Variants in PCM1 observed in about 807,000 individuals in gnomAD.
PCM1 encodes pericentriolar material 1.
A neutral mutation model predicts 241.9 loss-of-function variants in PCM1; 157 were observed. The observed-to-expected ratio is 0.65, with a 90% CI of 0.57 to 0.74. PCM1 has a LOEUF of 0.74. Ranked by LOEUF, PCM1 falls within the 30% of genes least tolerant of loss-of-function variation. The pLI, the probability that PCM1 is intolerant of heterozygous loss-of-function variation, is 0.00. For synonymous variants in PCM1, 1,085 were observed against 784.9 expected, an observed-to-expected ratio of 1.38 and a Z score of -6.39; for missense variants, 3,478 against 2,360.1, an observed-to-expected ratio of 1.47 and a Z score of -9.81.
At chr8:17,955,862 A>G (rs1478940459) in intron 10 of PCM1, 2 of 566,938 alleles carry the variant, frequency 3.5e-6, no homozygotes, top group Non-Finnish European at 6.3e-6. Context: ...CTGTGAACTG[A>G]TGTTACTTTC....
chr8:17,952,833 GGTATA>G (rs2066597834), intron 8 of PCM1, 132 bp from the exon 9 acceptor site: 3 of 595,500 alleles, frequency 5.0e-6, no homozygotes, highest in Non-Finnish European at 8.7e-6. Flanking sequence ...GAATAGTAAG[GGTATA>G]TACTTACCTA....
At position 17,957,607 on chromosome 8, in the gene PCM1, G is replaced by A. The variant is rs1313440591; in HGVS notation, c.1872G>A (p.Glu624=). 1 of 1,575,778 alleles carries A rather than the reference G, an allele frequency of 6.3e-7. No homozygotes were observed. The highest frequency in any genetic ancestry group is 1.4e-5 in the African/African-American group (1 of 74,044). The change falls in exon 13 of 39, where the codon GAG becomes GAA. Residue 624 remains glutamate, a synonymous_variant. Coordinates refer to ENST00000325083, the MANE Select transcript of PCM1 (RefSeq NM_006197.4). ...CACAAGGTGAAGATGATGAGGAGGA[G>A]GAGGAAGAAGCAGAAGAGGAGGGAG... ...HVAQGEDDEE[E]EEEAEEEGVS...
intron 2 of PCM1, among the ~76,000 whole-genome samples, chr8:17,933,416 ATTC>A (rs2059581854): frequency 6.6e-6 from 1 of 152,108 alleles, no homozygotes; most frequent in Non-Finnish European, 1.5e-5. Flanking sequence ...CGATATGTTT[ATTC>A]TTCCAGATAA....
chr8:17,977,179 C>G (rs1000615285), intron 23 of PCM1, among the ~76,000 whole-genome samples: 3 of 152,060 alleles, frequency 2.0e-5, no homozygotes, highest in Non-Finnish European at 4.4e-5. Context: ...AATAGTACTA[C>G]CAGTCATGTC....
In PCM1 at chr8:18,028,680, C is replaced by G. The variant is rs2094375944; in HGVS notation, c.*1018C>G. ...AAAGTGATTGATTTGCTTTTTATCCCAAACTGTCCATATACCCAGTAAGGC... is the reference window on the plus strand; with the variant it reads ...AAAGTGATTGATTTGCTTTTTATCCGAAACTGTCCATATACCCAGTAAGGC... On this transcript the variant is annotated 3_prime_UTR_variant, in exon 39 of 39. Coordinates refer to ENST00000325083, the MANE Select transcript of PCM1 (RefSeq NM_006197.4). 1 of 203,500 alleles carries G rather than the reference C, an allele frequency of 4.9e-6. No homozygotes were observed. Among genetic ancestry groups the G allele is most frequent in the Non-Finnish European group, 1.0e-5 (1 of 99,124 alleles). The allele number at this position is 203,500 out of a possible 1,614,324, so 12.6% of individuals were successfully genotyped here. A position where few individuals can be genotyped will look rare whatever the true frequency, so the allele number is the denominator to read the frequency against.
chr8:17,996,646 T>C (rs7465361), intron 29 of PCM1, among the ~76,000 whole-genome samples: 103,761 of 150,712 alleles, frequency 0.69, 36,179 homozygotes, highest in Non-Finnish European at 0.77. Flanking sequence ...CTCATGCTTT[T>C]CTTGTTTTTT....
intron 23 of PCM1, among the ~76,000 whole-genome samples, chr8:17,977,180 C>T (rs1024209628): frequency 1.4e-4 from 21 of 152,020 alleles, no homozygotes; most frequent in African/African-American, 4.8e-4. Context: ...ATAGTACTAC[C>T]AGTCATGTCA....
chr8:17,950,341 C>G (rs560967133), intron 7 of PCM1, among the ~76,000 whole-genome samples: 6 of 152,142 alleles, frequency 3.9e-5, no homozygotes, highest in African/African-American at 9.7e-5. Context: ...TGAGTCACTA[C>G]TATTAATTGG....
At chr8:18,009,515 C>A in intron 30 of PCM1, 32 bp from the exon 31 acceptor site, 1 of 1,413,386 alleles carries the variant, frequency 7.1e-7, no homozygotes, top group Non-Finnish European at 9.7e-7. Flanking sequence ...AGTTTACTGT[C>A]TTTAAAAATT....
At position 17,938,855 on chromosome 8, in the gene PCM1, G is replaced by T. The variant is rs757987794; in HGVS notation, c.458G>T (p.Ser153Ile). ...CCTATGCAGATTAATACTAACAAGA[G>T]CAAAGATGCATCTACAAACCCCCCA... ...FLPMQINTNK[S>I]KDASTNPPNR... The change falls in exon 5 of 39, where the codon AGC becomes ATC. Residue 153 changes from serine to isoleucine, a missense_variant. By Grantham distance (142) the Ser-to-Ile change is moderately radical (BLOSUM62 -2). Transcript: ENST00000325083. 3.1e-6 allele frequency: 5 copies of T among 1,613,676 alleles called. No homozygotes were observed. In the South Asian group the frequency reaches 5.5e-5, roughly 18 times the overall value.
chr8:18,017,181 T>G (rs568991190), intron 36 of PCM1, among the ~76,000 whole-genome samples: 24 of 152,246 alleles, frequency 1.6e-4, no homozygotes, highest in Admixed American at 1.4e-3. Context: ...CCATGGTCTT[T>G]CCACAAAAGA....
Position 17,942,378 on chromosome 8 carries a change from A to G in PCM1, c.783+2517A>G, listed in dbSNP as rs969170443. On this transcript the variant is annotated intron_variant, in intron 6 of 38. Transcript: ENST00000325083. ...GCTACTCAGGAGGCTGAGGCAGGAG[A>G]ATCGCTTCAACCTAGGAGGTGTAGG... Among the ~76,000 whole-genome samples the G allele has an allele frequency of 2.7e-5, 4 of 150,894 alleles. No homozygotes were observed. The South Asian group carries it at 8.4e-4, about 32-fold the overall frequency.
At chr8:17,934,335 C>G (rs2059850988) in intron 2 of PCM1, among the ~76,000 whole-genome samples, 1 of 150,710 alleles carries the variant, frequency 6.6e-6, no homozygotes, top group Non-Finnish European at 1.5e-5. Flanking sequence ...AGTCTCGGCT[C>G]ACTGCAACCT....
chr8:17,997,472 A>C (rs183384426), intron 29 of PCM1, among the ~76,000 whole-genome samples: 3 of 151,960 alleles, frequency 2.0e-5, no homozygotes, highest in Admixed American at 1.3e-4. Context: ...TAAGGCCAAT[A>C]ACTTAGATTT....
At chr8:17,965,736 A>T (rs1355731888) in intron 18 of PCM1, among the ~76,000 whole-genome samples, 3 of 152,238 alleles carry the variant, frequency 2.0e-5, no homozygotes, top group African/African-American at 2.4e-5. Flanking sequence ...CATAATAAAT[A>T]TTTTTATTTT....
intron 34 of PCM1, 70 bp from the exon 35 acceptor site, chr8:18,013,894 A>C: frequency 1.2e-6 from 1 of 868,256 alleles, no homozygotes; most frequent in Non-Finnish European, 1.8e-6. Flanking sequence ...AAAACTACAC[A>C]CTAGTAATCA....
chr8:17,966,153 A>C lies in PCM1; in HGVS notation c.3010A>C (p.Asn1004His). 6.2e-7 allele frequency: 1 copy of C among 1,613,996 alleles called. No individual in the cohort carries two copies. Among genetic ancestry groups the C allele is most frequent in the Non-Finnish European group, 8.5e-7 (1 of 1,179,882 alleles). Residue 1004 changes from asparagine to histidine, a missense_variant, in exon 19 of 39, where the codon AAT becomes CAT. Asn to His is a moderately conservative substitution (Grantham distance 68). Coordinates refer to ENST00000325083, the MANE Select transcript of PCM1 (RefSeq NM_006197.4). ...GAAAGAACAATGGCAAGAACAAATC[A>C]ATCAGCTAAAGAAACAGCTTGATTT... ...EEKEQWQEQI[N>H]QLKKQLDFSV...
Position 17,927,604 on chromosome 8 carries a change from G to A in PCM1, c.-23+2824G>A, listed in dbSNP as rs1282942016. Reference sequence around the variant, plus strand: ...GTCTTGCTCTGGCACCCACTGGAGTGCAGCAGCGCAGTCTTGGCTCACTGC... The same window carrying A: ...GTCTTGCTCTGGCACCCACTGGAGTACAGCAGCGCAGTCTTGGCTCACTGC... On this transcript the variant is annotated intron_variant, in intron 2 of 38. Transcript: ENST00000325083. The A allele has an allele frequency of 3.9e-5, 6 of 152,086 alleles. No individual in the cohort carries two copies. In the East Asian group the frequency reaches 1.2e-3, roughly 29 times the overall value. 9.4% of individuals were successfully genotyped at this position (152,086 alleles called of 1,614,324 possible). A position where few individuals can be genotyped will look rare whatever the true frequency, so the allele number is the denominator to read the frequency against.
intron 6 of PCM1, among the ~76,000 whole-genome samples, chr8:17,946,630 G>A (rs1317348762): frequency 1.3e-5 from 2 of 151,992 alleles, no homozygotes; most frequent in African/African-American, 4.8e-5. Context: ...CTGAGTAGCT[G>A]GGATAACAGG....
Sources: gnomAD v4.1 joint callset for allele counts (sites outside exome capture counted in the v4.1 genomes callset) on GRCh38, gnomAD v4.1.1 for gene constraint, MANE v1.5 for transcripts, NCBI Gene and HGNC (gene_info 2026-07-23, HGNC 2026-07-21) for gene names.